LSAMP: variants seen among roughly 807,000 people sequenced by gnomAD.
The protein encoded by LSAMP is limbic system associated membrane protein.
A neutral mutation model predicts 38.6 loss-of-function variants in LSAMP; 7 were observed. The observed-to-expected ratio is 0.18, with a 90% confidence interval of 0.10 to 0.34. The LOEUF is 0.34. LSAMP is among the 10% of genes least tolerant of loss of function. The pLI, the probability that LSAMP is intolerant of heterozygous loss-of-function variation, is 1.00. For synonymous variants in LSAMP, 154 were observed against 166.8 expected (o/e 0.92, Z 0.59); for missense variants, 313 against 420.0 (o/e 0.75, Z 2.23).
intron 6 of LSAMP, chr3:115,816,590 G>A (rs1393745799): frequency 7.8e-7 from 1 of 1,274,038 alleles, no homozygotes; most frequent in Non-Finnish European, 1.0e-6. Context: ...ACATATGGAA[G>A]GTAACCAAAA....
intron 1 of LSAMP, among the ~76,000 whole-genome samples, chr3:116,264,498 T>C (rs1385843019): frequency 2.0e-5 from 3 of 152,150 alleles, no homozygotes; most frequent in African/African-American, 7.2e-5. Context: ...CATGGGCGCT[T>C]AAGGGGCATT....
intron 1 of LSAMP, among the ~76,000 whole-genome samples, chr3:116,306,813 G>T (rs948496243): frequency 6.6e-6 from 1 of 152,010 alleles, no homozygotes; most frequent in Non-Finnish European, 1.5e-5. Flanking sequence ...CAATAAAGGG[G>T]TATAACTATA....
At chr3:116,106,693 C>T (rs998723925) in intron 1 of LSAMP, among the ~76,000 whole-genome samples, 11 of 152,108 alleles carry the variant, frequency 7.2e-5, no homozygotes, top group Non-Finnish European at 1.2e-4. Flanking sequence ...GGAATTATGT[C>T]TGACAGAAGG....
intron 1 of LSAMP, among the ~76,000 whole-genome samples, chr3:116,263,780 A>G (rs532280688): frequency 6.6e-6 from 1 of 152,326 alleles, no homozygotes; most frequent in African/African-American, 2.4e-5. Context: ...TATCACTTGT[A>G]TTAATCTTCA....
intron 1 of LSAMP, among the ~76,000 whole-genome samples, chr3:116,185,631 T>C (rs1480074361): frequency 6.6e-6 from 1 of 152,088 alleles, no homozygotes; most frequent in African/African-American, 2.4e-5. Context: ...GGTTACCTTT[T>C]CTCCTTCAAG....
intron 3 of LSAMP, among the ~76,000 whole-genome samples, chr3:115,951,220 G>T (rs1444680858): frequency 6.6e-6 from 1 of 152,110 alleles, no homozygotes; most frequent in South Asian, 2.1e-4. Flanking sequence ...TAGGCAAAGA[G>T]TTCATAACCA....
intron 1 of LSAMP, among the ~76,000 whole-genome samples, chr3:116,212,049 T>C (rs2046164248): frequency 6.6e-6 from 1 of 151,998 alleles, no homozygotes; most frequent in Non-Finnish European, 1.5e-5. Flanking sequence ...ATGAAAAGAG[T>C]GCTAAAGAAG....
At chr3:115,967,935 C>CT (rs2107605798) in intron 3 of LSAMP, among the ~76,000 whole-genome samples, 1 of 152,166 alleles carries the variant, frequency 6.6e-6, no homozygotes, top group East Asian at 1.9e-4. Context: ...CATCACCTCC[C>CT]TTTTTCCCAA....
chr3:115,885,951 T>G (rs1296905314), intron 3 of LSAMP, among the ~76,000 whole-genome samples: 1 of 151,984 alleles, frequency 6.6e-6, no homozygotes, highest in African/African-American at 2.4e-5. Flanking sequence ...CAGAGGTTTG[T>G]CTATCCAGAT....
chr3:116,263,974 C>A (rs2046863887), intron 1 of LSAMP, among the ~76,000 whole-genome samples: 1 of 152,158 alleles, frequency 6.6e-6, no homozygotes, highest in Admixed American at 6.6e-5. Flanking sequence ...AAGTACAGAA[C>A]ATCTCCTAGA....
intron 1 of LSAMP, among the ~76,000 whole-genome samples, chr3:116,279,038 T>C (rs1443784665): frequency 1.3e-5 from 2 of 152,244 alleles, no homozygotes; most frequent in East Asian, 1.9e-4. Flanking sequence ...AGGAGAATTT[T>C]CATTAACATT....
In LSAMP at chr3:116,064,337, C is replaced by G. The variant is rs577772388; in HGVS notation, c.388+21987G>C. ...GGTCAGGAGTTCGAGACCAGCCTGACCAACATGGTGAAACCCCGTCTCTAC... is the reference window on the plus strand; with the variant it reads ...GGTCAGGAGTTCGAGACCAGCCTGAGCAACATGGTGAAACCCCGTCTCTAC... On this transcript the variant is annotated intron_variant, in intron 2 of 6. Coordinates refer to ENST00000490035, the MANE Select transcript of LSAMP (RefSeq NM_002338.5). Among the ~76,000 whole-genome samples, 60 of 152,036 alleles carry G rather than the reference C, an allele frequency of 3.9e-4. No individual in the cohort carries two copies. In the South Asian group the frequency reaches 8.5e-3, roughly 22 times the overall value.
At chr3:116,432,574 TA>T (rs922276694) in intron 1 of LSAMP, among the ~76,000 whole-genome samples, 2 of 151,494 alleles carry the variant, frequency 1.3e-5, no homozygotes, top group African/African-American at 4.8e-5. Flanking sequence ...TAGGATTTTT[TA>T]AAAAAATTGT....
At chr3:116,233,543 C>G (rs1305387112) in intron 1 of LSAMP, among the ~76,000 whole-genome samples, 1 of 151,878 alleles carries the variant, frequency 6.6e-6, no homozygotes, top group Non-Finnish European at 1.5e-5. Flanking sequence ...ATTATAGTCA[C>G]CACACCAAAC....
At chr3:115,986,909 G>A (rs1403764826) in intron 3 of LSAMP, among the ~76,000 whole-genome samples, 1 of 152,144 alleles carries the variant, frequency 6.6e-6, no homozygotes, top group African/African-American at 2.4e-5. Context: ...AGGCATATAT[G>A]TGATGAAGAG....
intron 1 of LSAMP, among the ~76,000 whole-genome samples, chr3:116,231,436 G>A (rs1381025228): frequency 6.6e-6 from 1 of 152,116 alleles, no homozygotes; most frequent in Non-Finnish European, 1.5e-5. Context: ...TTTTAAATTA[G>A]CACAATGGCT....
chr3:115,810,717 C>T (rs1933798080), intron 6 of LSAMP, among the ~76,000 whole-genome samples: 1 of 152,186 alleles, frequency 6.6e-6, no homozygotes, highest in Admixed American at 6.5e-5. Context: ...CTCCTGTTCA[C>T]CCAGCCTCCT....
chr3:116,253,226 GA>G (rs10719370), intron 1 of LSAMP, among the ~76,000 whole-genome samples: 117,436 of 151,588 alleles, frequency 0.77, 45,998 homozygotes, highest in Non-Finnish European at 0.84. Flanking sequence ...AATAAATACA[GA>G]AAAAAAAACC....
At chr3:116,303,736 C>T (rs906690262) in intron 1 of LSAMP, among the ~76,000 whole-genome samples, 2 of 152,300 alleles carry the variant, frequency 1.3e-5, no homozygotes, top group South Asian at 4.1e-4. Flanking sequence ...AGCGAATAAT[C>T]AGTACGTGCG....
Sources: gnomAD v4.1 joint callset for allele counts (sites outside exome capture counted in the v4.1 genomes callset) on GRCh38, gnomAD v4.1.1 for gene constraint, MANE v1.5 for transcripts, NCBI Gene and HGNC (gene_info 2026-07-23, HGNC 2026-07-21) for gene names.